KCNC1: variants seen among roughly 807,000 people sequenced by gnomAD.
KCNC1 encodes potassium voltage-gated channel subfamily C member 1.
In KCNC1, 8 loss-of-function variants were observed where a neutral mutation model predicts 43.4. The observed-to-expected ratio is 0.18, with a 90% CI of 0.11 to 0.33. The LOEUF (loss-of-function observed/expected upper bound fraction) is 0.33, where lower values mean the gene tolerates loss of function less well. Ranked by LOEUF, KCNC1 falls within the 10% of genes least tolerant of loss-of-function variation. The probability of loss-of-function intolerance (pLI) is 1.00; values close to 1 mark genes in which losing one functional copy is unlikely to be tolerated. For synonymous variants in KCNC1, 361 were observed against 360.5 expected, an observed-to-expected ratio of 1.00 and a Z score of -0.01; for missense variants, 420 against 836.0, an observed-to-expected ratio of 0.50 and a Z score of 6.14.
chr11:17,748,970 C>T (rs962805931), intron 1 of KCNC1, among the ~76,000 whole-genome samples: 4 of 152,112 alleles, frequency 2.6e-5, no homozygotes, highest in African/African-American at 7.2e-5. Context: ...GACAGAGGGT[C>T]GGGGGCCTTG....
In KCNC1 at chr11:17,777,716, C is replaced by T. The variant is rs529141078; in HGVS notation, c.1505-1740C>T. ...GGGATTTGTCGAGAAACGCACTGTA[C>T]GTGAAATGCTTTGCCATCTTGTACG... On this transcript the variant is annotated intron_variant, in intron 2 of 3. Transcript: ENST00000265969. The surrounding 1 kb of genome is among the most constrained non-coding windows in gnomAD (Gnocchi z 4.3). 7 of 985,990 alleles carry T rather than the reference C, an allele frequency of 7.1e-6. No homozygotes were observed. Among genetic ancestry groups the T allele is most frequent in the African/African-American group, 3.5e-5 (2 of 57,358 alleles). 61.1% of individuals were successfully genotyped at this position (985,990 alleles called of 1,614,324 possible).
chr11:17,770,140 G>T (rs552696935), intron 1 of KCNC1, among the ~76,000 whole-genome samples: 1 of 152,244 alleles, frequency 6.6e-6, no homozygotes, highest in African/African-American at 2.4e-5. Flanking sequence ...CCCCCTGGGT[G>T]GGGGAGGGGC....
At chr11:17,738,575 G>A (rs1408954677) in intron 1 of KCNC1, among the ~76,000 whole-genome samples, 1 of 152,128 alleles carries the variant, frequency 6.6e-6, no homozygotes, top group African/African-American at 2.4e-5. Context: ...GAGTTTCAGG[G>A]CAGGCAGGGG....
intron 1 of KCNC1, among the ~76,000 whole-genome samples, chr11:17,744,096 G>A (rs1186978134): frequency 6.6e-6 from 1 of 152,164 alleles, no homozygotes; most frequent in Admixed American, 6.5e-5. Flanking sequence ...GAGGAATCTA[G>A]CCAGGCTGTG....
rs769768259 is a variant in KCNC1 at position 17,781,537 on chromosome 11, G to T, written c.1694-133G>T. On this transcript the variant is annotated intron_variant, in intron 3 of 3. Coordinates refer to ENST00000265969, the MANE Select transcript of KCNC1 (RefSeq NM_001112741.2). The surrounding 1 kb of genome is among the most constrained non-coding windows in gnomAD (Gnocchi z 5.1). ...CTCAGTGCATGGGCAAACCAAGCCA[G>T]CTGGAGAAGAATCTGCCTGCCTCTG... The T allele has an allele frequency of 4.4e-6, 3 of 677,982 alleles. No individual in the cohort carries two copies. Among genetic ancestry groups the T allele is most frequent in the South Asian group, 1.8e-5 (1 of 54,390 alleles). 42.0% of individuals were successfully genotyped at this position (677,982 alleles called of 1,614,324 possible).
At chr11:17,768,919 C>A (rs1378309135) in intron 1 of KCNC1, among the ~76,000 whole-genome samples, 1 of 152,222 alleles carries the variant, frequency 6.6e-6, no homozygotes, top group African/African-American at 2.4e-5. Context: ...TGTTTTAGCT[C>A]CAAGAGCCTT....
At position 17,771,217 on chromosome 11, in the gene KCNC1, A is replaced by G. The variant is rs1207438081; in HGVS notation, c.571-448A>G. 6.7e-6 allele frequency among the ~76,000 whole-genome samples: 1 copy of G among 148,176 alleles called. No individual in the cohort carries two copies. The highest frequency in any genetic ancestry group is 1.5e-5 in the Non-Finnish European group (1 of 67,056). On this transcript the variant is annotated intron_variant, in intron 1 of 3. Coordinates refer to ENST00000265969, the MANE Select transcript of KCNC1 (RefSeq NM_001112741.2). The surrounding 1 kb of genome is among the most constrained non-coding windows in gnomAD (Gnocchi z 4.7). Reference sequence around the variant, plus strand: ...CATTCCACTCTAGCTGCCCCCTCTTATTTCTTTGCAAACTTCAGCCCCAGC... The same window carrying G: ...CATTCCACTCTAGCTGCCCCCTCTTGTTTCTTTGCAAACTTCAGCCCCAGC...
chr11:17,740,608 A>G (rs1018637247), intron 1 of KCNC1, among the ~76,000 whole-genome samples: 2 of 152,092 alleles, frequency 1.3e-5, no homozygotes, highest in South Asian at 2.1e-4. Context: ...ATCAGGGCCA[A>G]TGGTGGTCCT....
chr11:17,750,285 G>C (rs865977787), intron 1 of KCNC1, among the ~76,000 whole-genome samples: 1 of 152,312 alleles, frequency 6.6e-6, no homozygotes, highest in Middle Eastern at 3.4e-3. Flanking sequence ...ATTTTCCTGG[G>C]TATAAGGAGG....
chr11:17,756,425 T>C (rs1849022810), intron 1 of KCNC1, among the ~76,000 whole-genome samples: 1 of 151,866 alleles, frequency 6.6e-6, no homozygotes, highest in Admixed American at 6.6e-5. Context: ...AAGATGTAAA[T>C]ATTTGTTAGA....
chr11:17,737,251 A>C (rs1051869887), intron 1 of KCNC1, among the ~76,000 whole-genome samples: 1 of 152,122 alleles, frequency 6.6e-6, no homozygotes, highest in Admixed American at 6.5e-5. Context: ...CCCGATCCTG[A>C]GATCACAGCC....
At position 17,775,669 on chromosome 11, in the gene KCNC1, G is replaced by A. The variant is rs930711067; in HGVS notation, c.1504+3071G>A. 1.2e-5 allele frequency: 12 copies of A among 985,726 alleles called. 1 individual carries two copies. In the South Asian group the frequency reaches 1.4e-4, roughly 12 times the overall value. The allele number at this position is 985,726 out of a possible 1,614,324, so 61.1% of individuals were successfully genotyped here. On this transcript the variant is annotated intron_variant, in intron 2 of 3. Transcript: ENST00000265969. Reference sequence around the variant, plus strand: ...CTCCTCCGTCCTGCCATGCCCATTCGCATGTGTCTTGTCCATCTCCGCTCC... The same window carrying A: ...CTCCTCCGTCCTGCCATGCCCATTCACATGTGTCTTGTCCATCTCCGCTCC...
chr11:17,757,012 A>C (rs1849029945), intron 1 of KCNC1, among the ~76,000 whole-genome samples: 2 of 116,598 alleles, frequency 1.7e-5, no homozygotes, highest in African/African-American at 5.2e-5. Context: ...TCAGTTTTTT[A>C]ATCTGCAAAA....
rs548814568 is a variant in KCNC1, at chr11:17,779,359, G to A, written c.1505-97G>A. ...CTTTTCCGTCCTCAGGGACGCTCAA[G>A]CTGCCCTCTGCCAATACCCCGCTTC... is the stretch of plus-strand genomic sequence containing the variant. On this transcript the variant is annotated intron_variant, in intron 2 of 3. Coordinates refer to ENST00000265969, the MANE Select transcript of KCNC1 (RefSeq NM_001112741.2). The surrounding 1 kb of genome is among the most constrained non-coding windows in gnomAD (Gnocchi z 7.2). The A allele has an allele frequency of 5.8e-6, 6 of 1,036,508 alleles. No homozygotes were observed. Among genetic ancestry groups the A allele is most frequent in the Non-Finnish European group, 8.1e-6 (6 of 744,878 alleles). 64.2% of individuals were successfully genotyped at this position (1,036,508 alleles called of 1,614,324 possible).
rs1848819447 is a variant in KCNC1, at chr11:17,739,903, T to C, written c.570+3331T>C. Among the ~76,000 whole-genome samples, 1 of 152,140 alleles carries C rather than the reference T, an allele frequency of 6.6e-6. No homozygotes were observed. The highest frequency in any genetic ancestry group is 1.9e-4 in the East Asian group (1 of 5,194). ...AGAGGTCCTGTGCATCCCGAGTGTG[T>C]GTGTGCTTGAGGAAGATGAGATTCC... On this transcript the variant is annotated intron_variant, in intron 1 of 3. Coordinates refer to ENST00000265969, the MANE Select transcript of KCNC1 (RefSeq NM_001112741.2). The surrounding 1 kb of genome is among the most constrained non-coding windows in gnomAD (Gnocchi z 4.2).
chr11:17,781,823 G>A lies in KCNC1; in HGVS notation c.*89G>A, dbSNP rs529151806. 4 of 926,298 alleles carry A rather than the reference G, an allele frequency of 4.3e-6. No individual in the cohort carries two copies. The highest frequency in any genetic ancestry group is 5.1e-6 in the Non-Finnish European group (3 of 586,236). 57.4% of individuals were successfully genotyped at this position (926,298 alleles called of 1,614,324 possible). ...TCACCCTCGGACAGAGTAAATTCAC[G>A]CCATGCAGGTTTGCCGGACGAGTCC... On this transcript the variant is annotated 3_prime_UTR_variant, in exon 4 of 4. Coordinates refer to ENST00000265969, the MANE Select transcript of KCNC1 (RefSeq NM_001112741.2). This position sits in a 1 kb window ranked among gnomAD's most constrained non-coding sequence, Gnocchi z 5.1.
In KCNC1 at chr11:17,781,723, A is replaced by C; in HGVS notation, c.1747A>C (p.Arg583=). The C allele has an allele frequency of 6.4e-7, 1 of 1,551,418 alleles. No individual in the cohort carries two copies. The highest frequency in any genetic ancestry group is 8.7e-7 in the Non-Finnish European group (1 of 1,146,700). Residue 583 remains arginine, a synonymous_variant, in exon 4 of 4, where the codon AGA becomes CGA. Coordinates refer to ENST00000265969, the MANE Select transcript of KCNC1 (RefSeq NM_001112741.2). This position sits in a 1 kb window ranked among gnomAD's most constrained non-coding sequence, Gnocchi z 5.1. ...IAKYMPTEAV[R]VT is the part of the protein sequence containing the mutation. The stretch of plus-strand genomic sequence containing the variant: ...TAAGTATATGCCGACAGAGGCTGTG[A>C]GAGTGACTTGACCAGGCGGCTTGGC...
intron 1 of KCNC1, among the ~76,000 whole-genome samples, chr11:17,747,997 C>T (rs1848920632): frequency 6.6e-6 from 1 of 152,258 alleles, no homozygotes; most frequent in South Asian, 2.1e-4. Flanking sequence ...AGCACCAATT[C>T]ATCCATCCAG....
Position 17,763,782 on chromosome 11 carries a change from A to C in KCNC1, c.571-7883A>C, listed in dbSNP as rs1396441486. Among the ~76,000 whole-genome samples, 21 of 125,190 alleles carry C rather than the reference A, an allele frequency of 1.7e-4. No individual in the cohort carries two copies. The East Asian group carries it at 4.0e-3, about 24-fold the overall frequency. 82.1% of individuals were successfully genotyped at this position (125,190 alleles called of 152,430 possible). Reference sequence around the variant, plus strand: ...CACACACAAACCCCCACACCACCCCACACACACAATACACACACACACAGA... The same window carrying C: ...CACACACAAACCCCCACACCACCCCCCACACACAATACACACACACACAGA... On this transcript the variant is annotated intron_variant, in intron 1 of 3. Transcript: ENST00000265969.
Sources: allele counts gnomAD v4.1 joint callset (sites outside exome capture counted in the v4.1 genomes callset), GRCh38; gene constraint gnomAD v4.1.1; non-coding constraint Gnocchi (gnomAD v3.1); transcripts MANE v1.5; gene names NCBI Gene and HGNC (gene_info 2026-07-23, HGNC 2026-07-21).